The following RASGRF1 variants were observed in gnomAD, a reference collection of about 807,000 sequenced individuals.
The protein encoded by RASGRF1 is Ras protein specific guanine nucleotide releasing factor 1, also known as ras-specific guanine nucleotide-releasing factor 1.
In RASGRF1, 40 loss-of-function variants were observed where a neutral mutation model predicts 138.7. The observed-to-expected ratio is 0.29, with a 90% confidence interval of 0.22 to 0.38. The LOEUF is 0.38. Among genes scored for constraint, RASGRF1 ranks in the 10% least tolerant of loss-of-function variants. The pLI is 1.00. For synonymous variants in RASGRF1, 614 were observed against 663.2 expected, an observed-to-expected ratio of 0.93 and a Z score of 1.14; for missense variants, 1,108 against 1,650.4, an observed-to-expected ratio of 0.67 and a Z score of 5.69.
At position 78,973,481 on chromosome 15, in the gene RASGRF1, A is replaced by G; in HGVS notation, c.3495-61T>C. ...TTTAAAAAAGTAACGTCTACCAAGAACAGAACATCCCGCATGCACCTTTTG... is the reference window on the plus strand; with the variant it reads ...TTTAAAAAAGTAACGTCTACCAAGAGCAGAACATCCCGCATGCACCTTTTG... On this transcript the variant is annotated intron_variant, in intron 24 of 26. Transcript: ENST00000558480. The surrounding 1 kb of genome is among the most constrained non-coding windows in gnomAD (Gnocchi z 4.9). 7.8e-7 allele frequency: 1 copy of G among 1,275,862 alleles called. No homozygotes were observed. The highest frequency in any genetic ancestry group is 1.3e-5 in the South Asian group (1 of 79,078). 79.0% of individuals were successfully genotyped at this position (1,275,862 alleles called of 1,614,324 possible).
At chr15:79,065,413 G>C (rs2057665069) in intron 1 of RASGRF1, among the ~76,000 whole-genome samples, 1 of 152,074 alleles carries the variant, frequency 6.6e-6, no homozygotes, top group Non-Finnish European at 1.5e-5. Context: ...CAGTGGGCAG[G>C]TGGGCAGGGA....
rs775971033 is a variant in RASGRF1 at position 78,973,435 on chromosome 15, G to C, written c.3495-15C>G. 7 of 1,545,372 alleles carry C rather than the reference G, an allele frequency of 4.5e-6. No individual in the cohort carries two copies. In the African/African-American group the frequency reaches 9.6e-5, roughly 21 times the overall value. On this transcript the variant is annotated splice_polypyrimidine_tract_variant and intron_variant, in intron 24 of 26. Transcript: ENST00000558480. The surrounding 1 kb of genome is among the most constrained non-coding windows in gnomAD (Gnocchi z 4.9). ...GTGGGTCACAACTTGGAAGCAAACG[G>C]CATTAACACAAGTTTTTCATTTTAA...
intron 19 of RASGRF1, among the ~76,000 whole-genome samples, chr15:78,997,607 G>A (rs1397356277): frequency 6.6e-6 from 1 of 151,920 alleles, no homozygotes; most frequent in African/African-American, 2.4e-5. Flanking sequence ...GTGGTGGCAG[G>A]TGCCTATAAT....
At chr15:79,002,692 T>C (rs777319476) in intron 15 of RASGRF1, among the ~76,000 whole-genome samples, 5 of 152,262 alleles carry the variant, frequency 3.3e-5, no homozygotes, top group Non-Finnish European at 5.9e-5. Flanking sequence ...ATGAAATTTC[T>C]GGCAGGCCAT....
intron 1 of RASGRF1, among the ~76,000 whole-genome samples, chr15:79,075,961 C>T (rs902048337): frequency 6.6e-6 from 1 of 152,176 alleles, no homozygotes; most frequent in African/African-American, 2.4e-5. Flanking sequence ...AGTCATTTCT[C>T]GTTCATTAAT....
At position 79,006,314 on chromosome 15, in the gene RASGRF1, G is replaced by C; in HGVS notation, c.1947C>G (p.Asp649Glu). 1.2e-6 allele frequency: 2 copies of C among 1,614,202 alleles called. No individual in the cohort carries two copies. The highest frequency in any genetic ancestry group is 1.7e-6 in the Non-Finnish European group (2 of 1,180,044). The change falls in exon 14 of 27, where the codon GAC (aspartate) becomes GAG (glutamate). Residue 649 changes from aspartate (D) to glutamate (E), a missense_variant. Asp to Glu is a conservative substitution (Grantham distance 45). This residue lies in a region of RASGRF1 where 686 missense variants were observed against 976.7 expected (regional missense o/e 0.70). Transcript: ENST00000558480. The surrounding 1 kb of genome is among the most constrained non-coding windows in gnomAD (Gnocchi z 4.0). ...SVERLLERLT[D>E]LRFLSIDFLN... is the part of the protein sequence containing the mutation. ...GGAAGTCGATGCTCAGGAAGCGCAG[G>C]TCCGTCAGCCTCTCCAGCAGCCGCT...
rs147857096 is a variant in RASGRF1 at position 79,002,163 on chromosome 15, C to T, written c.2450-376G>A. On this transcript the variant is annotated intron_variant, in intron 15 of 26. Transcript: ENST00000558480. ...TCCACGGACCACACTTTGAGTTACA[C>T]GATCTCTCTTTTTTTTTTTGGTGAA... is the stretch of plus-strand genomic sequence containing the variant. Among the ~76,000 whole-genome samples, 221 of 151,210 alleles carry T rather than the reference C, an allele frequency of 1.5e-3. 1 individual carries two copies. The highest frequency in any genetic ancestry group is 4.9e-3 in the African/African-American group (200 of 40,600).
intron 19 of RASGRF1, chr15:78,997,878 T>C: frequency 1.7e-6 from 1 of 572,268 alleles, no homozygotes; most frequent in Non-Finnish European, 3.1e-6. Context: ...GATCAAGGTC[T>C]GGCGCAGGGT....
intron 5 of RASGRF1, among the ~76,000 whole-genome samples, chr15:79,040,241 C>G (rs113462090): frequency 7.9e-4 from 120 of 152,214 alleles, no homozygotes; most frequent in Non-Finnish European, 4.0e-4. Flanking sequence ...CCCCCTCCCC[C>G]CTTCATCCCT....
rs2056449044 is a variant in RASGRF1, at chr15:78,998,703, G to A, written c.2853+16C>T. The stretch of plus-strand genomic sequence containing the variant: ...GGTGGTCCCCAGCAGCCTGCCCAGG[G>A]AGGGCTCCCACCCACCTGAGAGTGC... On this transcript the variant is annotated intron_variant, in intron 18 of 26. Transcript: ENST00000558480. 6.2e-7 allele frequency: 1 copy of A among 1,601,404 alleles called. No homozygotes were observed.
At chr15:79,045,073 C>T (rs1330999950) in intron 5 of RASGRF1, among the ~76,000 whole-genome samples, 1 of 152,246 alleles carries the variant, frequency 6.6e-6, no homozygotes, top group Non-Finnish European at 1.5e-5. Context: ...CAACATAGAA[C>T]TACACTACTG....
intron 13 of RASGRF1, 85 bp downstream of exon 13, chr15:79,015,242 G>C: frequency 7.5e-7 from 1 of 1,339,010 alleles, no homozygotes; most frequent in Non-Finnish European, 1.1e-6. Context: ...CCCAGTAGCT[G>C]GCTCATCCCA....
At position 78,971,060 on chromosome 15, in the gene RASGRF1, A is replaced by G. The variant is rs563723120; in HGVS notation, c.3681+806T>C. 8.0e-4 allele frequency among the ~76,000 whole-genome samples: 122 copies of G among 152,240 alleles called. 2 individuals carry two copies. The South Asian group carries it at 0.025, about 31-fold the overall frequency. On this transcript the variant is annotated intron_variant, in intron 26 of 26. Transcript: ENST00000558480. ...GGAGGGGGTCACTGTACTTAGCATTACACAAGCCTGTCTCTCTGCAAGAAA... is the reference window on the plus strand; with the variant it reads ...GGAGGGGGTCACTGTACTTAGCATTGCACAAGCCTGTCTCTCTGCAAGAAA...
rs1449021753 is a variant in RASGRF1, at chr15:79,050,080, A to G, written c.532-492T>C. On this transcript the variant is annotated intron_variant, in intron 3 of 26. Transcript: ENST00000558480. The surrounding 1 kb of genome is among the most constrained non-coding windows in gnomAD (Gnocchi z 4.1). ...AGGACATTCACATTGTTGTGCAACCATCACCACCATTTACCTCCAGAACTC... is the reference window on the plus strand; with the variant it reads ...AGGACATTCACATTGTTGTGCAACCGTCACCACCATTTACCTCCAGAACTC... Among the ~76,000 whole-genome samples, 2 of 152,234 alleles carry G rather than the reference A, an allele frequency of 1.3e-5. No individual in the cohort carries two copies. Among genetic ancestry groups the G allele is most frequent in the South Asian group, 2.1e-4 (1 of 4,834 alleles).
chr15:79,046,670 G>A lies in RASGRF1; in HGVS notation c.878+76C>T. ...TGCACTCGGTGGGAACCACGTGAGA[G>A]AGTGTGTCAAAGCTTAGCTGCGGCC... On this transcript the variant is annotated intron_variant, in intron 5 of 26. Coordinates refer to ENST00000558480, the MANE Select transcript of RASGRF1 (RefSeq NM_001145648.3). This position sits in a 1 kb window ranked among gnomAD's most constrained non-coding sequence, Gnocchi z 5.3. The A allele has an allele frequency of 2.5e-6, 4 of 1,582,404 alleles. No homozygotes were observed. In the South Asian group the frequency reaches 3.5e-5, roughly 14 times the overall value.
rs1003401215 is a variant in RASGRF1 at position 79,046,459 on chromosome 15, C to T, written c.878+287G>A. On this transcript the variant is annotated intron_variant, in intron 5 of 26. Coordinates refer to ENST00000558480, the MANE Select transcript of RASGRF1 (RefSeq NM_001145648.3). This position sits in a 1 kb window ranked among gnomAD's most constrained non-coding sequence, Gnocchi z 5.3. The stretch of plus-strand genomic sequence containing the variant: ...GCAACCTCCCTCAAGTGGTGACAAT[C>T]AACAATGTTTCCAAACATTCCTAAG... Among the ~76,000 whole-genome samples, 1 of 152,216 alleles carries T rather than the reference C, an allele frequency of 6.6e-6. No individual in the cohort carries two copies. Among genetic ancestry groups the T allele is most frequent in the Admixed American group, 6.5e-5 (1 of 15,284 alleles).
At chr15:79,040,566 G>C (rs1273269594) in intron 5 of RASGRF1, among the ~76,000 whole-genome samples, 1 of 152,246 alleles carries the variant, frequency 6.6e-6, no homozygotes, top group Non-Finnish European at 1.5e-5. Flanking sequence ...TTCTGCCTTA[G>C]GGCCTTTGCA....
rs900943047 is a variant in RASGRF1 at position 79,020,162 on chromosome 15, G to A, written c.1543-58C>T. ...GAGGGGTAGATATGCTGGTTTAGGA[G>A]TCCCTGGATGATAGGGTTGGAGGGG... On this transcript the variant is annotated intron_variant, in intron 10 of 26. Transcript: ENST00000558480. 7 of 1,526,680 alleles carry A rather than the reference G, an allele frequency of 4.6e-6. No homozygotes were observed. In the East Asian group the frequency reaches 9.0e-5, roughly 20 times the overall value. 94.6% of individuals were successfully genotyped at this position (1,526,680 alleles called of 1,614,324 possible). A position where few individuals can be genotyped will look rare whatever the true frequency, so the allele number is the denominator to read the frequency against.
intron 14 of RASGRF1, chr15:79,005,799 T>C (rs1184673913): frequency 3.5e-6 from 1 of 286,816 alleles, no homozygotes; most frequent in Non-Finnish European, 5.1e-6. Flanking sequence ...CCCTCTCTCC[T>C]TCTGTCCTCC....
Sources: allele counts gnomAD v4.1 joint callset (sites outside exome capture counted in the v4.1 genomes callset), GRCh38; gene constraint gnomAD v4.1.1; regional missense constraint gnomAD v4.1.1; non-coding constraint Gnocchi (gnomAD v3.1); transcripts MANE v1.5; gene names NCBI Gene and HGNC (gene_info 2026-07-23, HGNC 2026-07-21).